The following SSBP2 variants were observed in gnomAD, a reference collection of about 807,000 sequenced individuals.
SSBP2 encodes single stranded DNA binding protein 2.
A neutral mutation model predicts 61.8 loss-of-function variants in SSBP2; 17 were observed. The observed-to-expected ratio is 0.28, with a 90% CI of 0.19 to 0.41. The LOEUF (loss-of-function observed/expected upper bound fraction) is 0.41. Ranked by LOEUF, SSBP2 falls within the 10% of genes least tolerant of loss-of-function variation. The probability of loss-of-function intolerance (pLI) is 1.00; values close to 1 mark genes in which losing one functional copy is unlikely to be tolerated. For synonymous variants in SSBP2, 139 were observed against 141.3 expected (o/e 0.98, Z 0.12); for missense variants, 310 against 458.7 (o/e 0.68, Z 2.96).
At chr5:81,741,486 T>G (rs1387146646) in intron 1 of SSBP2, among the ~76,000 whole-genome samples, 2 of 152,146 alleles carry the variant, frequency 1.3e-5, no homozygotes, top group African/African-American at 4.8e-5. Context: ...ATGGTAAATT[T>G]TAGGTTATAT....
At chr5:81,501,890 T>C (rs1167039652) in intron 5 of SSBP2, among the ~76,000 whole-genome samples, 1 of 152,006 alleles carries the variant, frequency 6.6e-6, no homozygotes, top group African/African-American at 2.4e-5. Flanking sequence ...GTACTGAAAA[T>C]GGTACCCGAT....
intron 3 of SSBP2, among the ~76,000 whole-genome samples, chr5:81,630,323 G>T (rs1474138379): frequency 1.3e-5 from 2 of 152,170 alleles, no homozygotes; most frequent in African/African-American, 4.8e-5. Flanking sequence ...GCATCTGCTG[G>T]ATTTAAAGCC....
At chr5:81,597,610 A>C (rs1164371964) in intron 4 of SSBP2, among the ~76,000 whole-genome samples, 3 of 152,280 alleles carry the variant, frequency 2.0e-5, no homozygotes, top group Admixed American at 6.5e-5. Context: ...AACCAACCTA[A>C]ATGTCCAACA....
At chr5:81,730,238 T>C (rs967092206) in intron 1 of SSBP2, among the ~76,000 whole-genome samples, 49 of 152,248 alleles carry the variant, frequency 3.2e-4, no homozygotes, top group Non-Finnish European at 6.9e-4. Flanking sequence ...AAGAATTTTT[T>C]TTTTGAGATG....
intron 5 of SSBP2, among the ~76,000 whole-genome samples, chr5:81,504,156 T>C (rs12697705): frequency 0.45 from 68,870 of 152,048 alleles, 19,740 homozygotes; most frequent in African/African-American, 0.82. Context: ...ACAAATCTGT[T>C]GGCTCTAGTA....
chr5:81,647,301 C>T (rs143753158), intron 2 of SSBP2, among the ~76,000 whole-genome samples: 104 of 152,138 alleles, frequency 6.8e-4, no homozygotes, highest in Admixed American at 1.8e-3. Flanking sequence ...TATATTCATA[C>T]TATACTTTAT....
intron 1 of SSBP2, among the ~76,000 whole-genome samples, chr5:81,670,845 C>G (rs1002940047): frequency 1.3e-5 from 2 of 152,144 alleles, no homozygotes; most frequent in Non-Finnish European, 2.9e-5. Flanking sequence ...AGCCAAATCT[C>G]TGTGCTCGTC....
At chr5:81,448,098 C>G (rs1763519654) in intron 11 of SSBP2, 1 of 152,042 alleles carries the variant, frequency 6.6e-6, no homozygotes, top group Non-Finnish European at 1.5e-5. Context: ...CCATTTTATC[C>G]TTGTTTCTCT....
At chr5:81,529,533 C>T (rs1770234280) in intron 4 of SSBP2, among the ~76,000 whole-genome samples, 2 of 152,030 alleles carry the variant, frequency 1.3e-5, no homozygotes, top group African/African-American at 4.8e-5. Context: ...CTACTAAAGG[C>T]ATAGATAGGT....
chr5:81,634,807 T>C (rs893988572), intron 3 of SSBP2, among the ~76,000 whole-genome samples: 1 of 152,232 alleles, frequency 6.6e-6, no homozygotes, highest in Admixed American at 6.5e-5. Context: ...CCCTTCTCTA[T>C]CTCTCCATGC....
At chr5:81,750,692 T>G in intron 1 of SSBP2, 1 of 418,828 alleles carries the variant, frequency 2.4e-6, no homozygotes, top group Non-Finnish European at 4.3e-6. Context: ...GTTATTTCCC[T>G]CAATCACCCA....
chr5:81,534,344 CCA>C (rs967648512), intron 4 of SSBP2, among the ~76,000 whole-genome samples: 10 of 152,172 alleles, frequency 6.6e-5, no homozygotes, highest in African/African-American at 2.4e-4. Flanking sequence ...AAAGCAAAAA[CCA>C]CAGTTTGAAA....
intron 10 of SSBP2, among the ~76,000 whole-genome samples, chr5:81,457,697 T>C (rs1477473756): frequency 6.6e-6 from 1 of 152,046 alleles, no homozygotes; most frequent in Non-Finnish European, 1.5e-5. Flanking sequence ...GTTTTACTCT[T>C]GTTGCCCAGG....
At chr5:81,463,971 G>A (rs1242649487) in intron 9 of SSBP2, among the ~76,000 whole-genome samples, 1 of 151,802 alleles carries the variant, frequency 6.6e-6, no homozygotes, top group Non-Finnish European at 1.5e-5. Context: ...GTCTCCCTAT[G>A]TTGCCCAGGC....
intron 4 of SSBP2, among the ~76,000 whole-genome samples, chr5:81,542,210 A>G (rs1235037508): frequency 6.6e-6 from 1 of 152,208 alleles, no homozygotes; most frequent in African/African-American, 2.4e-5. Flanking sequence ...CAAGACCACA[A>G]TGAGATACCA....
At chr5:81,609,740 T>C (rs1004409455) in intron 4 of SSBP2, among the ~76,000 whole-genome samples, 2 of 152,246 alleles carry the variant, frequency 1.3e-5, no homozygotes, top group East Asian at 3.9e-4. Flanking sequence ...TGTTTGATCC[T>C]CAGCATTCAA....
rs1464754875 is a variant in SSBP2, at chr5:81,541,123, A to G, written c.283-27406T>C. On this transcript the variant is annotated intron_variant, in intron 4 of 16. Coordinates refer to ENST00000320672, the MANE Select transcript of SSBP2 (RefSeq NM_012446.5). ...TCAGCAGCATTTCTATATACTAATC[A>G]TGTTCAAGCTGAGAGCCAAACCAAG... is the stretch of plus-strand genomic sequence containing the variant. 2.0e-5 allele frequency among the ~76,000 whole-genome samples: 3 copies of G among 152,168 alleles called. No homozygotes were observed. The East Asian group carries it at 5.8e-4, about 29-fold the overall frequency.
At chr5:81,746,306 G>C (rs1302936958) in intron 1 of SSBP2, among the ~76,000 whole-genome samples, 2 of 151,874 alleles carry the variant, frequency 1.3e-5, no homozygotes, top group Non-Finnish European at 2.9e-5. Context: ...TTGTATTTTG[G>C]GGGAACATCC....
chr5:81,663,073 G>A (rs1750827499), intron 1 of SSBP2, among the ~76,000 whole-genome samples: 1 of 152,112 alleles, frequency 6.6e-6, no homozygotes, highest in Non-Finnish European at 1.5e-5. Flanking sequence ...TCTTTCTATG[G>A]TCTAGTTATC....
Sources: gnomAD v4.1 joint callset for allele counts (sites outside exome capture counted in the v4.1 genomes callset) on GRCh38, gnomAD v4.1.1 for gene constraint, MANE v1.5 for transcripts, NCBI Gene and HGNC (gene_info 2026-07-23, HGNC 2026-07-21) for gene names.